Variants in SAMSN1 observed in about 807,000 individuals in gnomAD.
SAMSN1 encodes SAM domain-containing protein SAMSN-1.
SAMSN1 carries 31 observed loss-of-function variants against 42.0 expected under a neutral mutation model. The ratio of observed to expected loss-of-function variants is 0.74; its 90% CI spans 0.55 to 1.00. The LOEUF is 1.00. Among genes scored for constraint, SAMSN1 ranks in the 50% least tolerant of loss-of-function variants. The pLI is 0.00. For synonymous variants in SAMSN1, 178 were observed against 151.9 expected (o/e 1.17, Z -1.26); for missense variants, 464 against 439.4 (o/e 1.06, Z -0.50).
At chr21:14,554,812 C>T (rs990035945) in intron 2 of SAMSN1, among the ~76,000 whole-genome samples, 1 of 151,542 alleles carries the variant, frequency 6.6e-6, no homozygotes, top group Admixed American at 6.6e-5. Context: ...AATCCTCTCA[C>T]CTCAGTCTCC....
At chr21:14,591,520 C>A (rs1014802484) in intron 7 of SAMSN1, 1 of 152,102 alleles carries the variant, frequency 6.6e-6, no homozygotes, top group Non-Finnish European at 1.5e-5. Flanking sequence ...TTCCTAGAGT[C>A]AGTATGGTCA....
In SAMSN1 at chr21:14,605,673, T is replaced by G. The variant is rs374543884; in HGVS notation, c.323-3574A>C. Among the ~76,000 whole-genome samples, 3 of 152,028 alleles carry G rather than the reference T, an allele frequency of 2.0e-5. No homozygotes were observed. In the East Asian group the frequency reaches 5.8e-4, roughly 29 times the overall value. On this transcript the variant is annotated intron_variant, in intron 5 of 15. Transcript: ENST00000647101. Reference sequence around the variant, plus strand: ...GCTGGCCAAATGATATTGACTAGAATTCAGGAGAGAAATTAGGTTTCAAAC... The same window carrying G: ...GCTGGCCAAATGATATTGACTAGAAGTCAGGAGAGAAATTAGGTTTCAAAC...
intron 2 of SAMSN1, among the ~76,000 whole-genome samples, chr21:14,570,539 G>A (rs889330622): frequency 2.3e-4 from 35 of 152,170 alleles, no homozygotes; most frequent in Non-Finnish European, 8.8e-5. Flanking sequence ...TCACTTCTCT[G>A]CTGTCATCTG....
At chr21:14,498,347 C>G in intron 7 of SAMSN1, 95 bp downstream of exon 7, 1 of 1,049,856 alleles carries the variant, frequency 9.5e-7, no homozygotes, top group Non-Finnish European at 1.4e-6. Context: ...CTTTCATGAT[C>G]TCAGTAAATA....
chr21:14,589,017 A>T lies in SAMSN1; in HGVS notation c.465+4996T>A, dbSNP rs577182103. ...ATTTCATATATTTGTGTCTATAAAC[A>T]GAAATATCTTTTAGTTCATTTTGCT... On this transcript the variant is annotated intron_variant, in intron 7 of 15. Transcript: ENST00000647101. Among the ~76,000 whole-genome samples, 101 of 152,316 alleles carry T rather than the reference A, an allele frequency of 6.6e-4. 1 individual carries two copies. Among genetic ancestry groups the T allele is most frequent in the Non-Finnish European group, 9.1e-4 (62 of 68,006 alleles).
rs549932346 is a variant in SAMSN1 at position 14,630,340 on chromosome 21, T to C, written c.156+12662A>G. 2.6e-5 allele frequency among the ~76,000 whole-genome samples: 4 copies of C among 152,266 alleles called. No individual in the cohort carries two copies. The South Asian group carries it at 8.3e-4, about 32-fold the overall frequency. ...CAATGTCAGTAGTGATGACAAATGCTTTTAAGAGAAAATTAAAGTAGGAAT... is the reference window on the plus strand; with the variant it reads ...CAATGTCAGTAGTGATGACAAATGCCTTTAAGAGAAAATTAAAGTAGGAAT... On this transcript the variant is annotated intron_variant, in intron 2 of 15. Transcript: ENST00000647101.
At chr21:14,533,138 T>A (rs2123102507) in intron 1 of SAMSN1, among the ~76,000 whole-genome samples, 1 of 152,198 alleles carries the variant, frequency 6.6e-6, no homozygotes, top group East Asian at 1.9e-4. Flanking sequence ...CAGGCTGGTC[T>A]TGAACTCCTG....
At chr21:14,630,384 G>T (rs1316945278) in intron 2 of SAMSN1, among the ~76,000 whole-genome samples, 2 of 149,392 alleles carry the variant, frequency 1.3e-5, no homozygotes, top group Non-Finnish European at 3.0e-5. Flanking sequence ...TTGCTTTACA[G>T]CTTTTTTTTT....
At chr21:14,643,157 C>A in intron 1 of SAMSN1, 3 of 714,324 alleles carry the variant, frequency 4.2e-6, no homozygotes, top group South Asian at 3.0e-5. Context: ...ATTTATGAGT[C>A]AAGGAATAAC....
chr21:14,581,344 C>CTTTTTTTTTTTTTTTTTTTTTTT lies in SAMSN1; in HGVS notation c.261+769_261+791dup, dbSNP rs56728511. ...TGTAAAATGAGGGGAAATAATATTT[C>CTTTTTTTTTTTTTTTTTTTTTTT]TTTTTTTTTTTTTTTTTTTTTTTTT... On this transcript the variant is annotated intron_variant, in intron 2 of 8. Transcript: ENST00000285670. Among the ~76,000 whole-genome samples the CTTTTTTTTTTTTTTTTTTTTTTT allele has an allele frequency of 2.1e-4, 7 of 32,592 alleles. 3 individuals carry two copies. Among genetic ancestry groups the CTTTTTTTTTTTTTTTTTTTTTTT allele is most frequent in the Non-Finnish European group, 3.4e-4 (6 of 17,842 alleles). The allele number at this position is 32,592 out of a possible 152,430, so 21.4% of individuals were successfully genotyped here.
intron 4 of SAMSN1, among the ~76,000 whole-genome samples, chr21:14,611,092 ATT>A (rs11459704): frequency 6.9e-6 from 1 of 145,536 alleles, no homozygotes; most frequent in Non-Finnish European, 1.5e-5. Context: ...GGATAGGCAC[ATT>A]TTTTTTTTTT....
chr21:14,535,164 G>C (rs1979525810), intron 1 of SAMSN1, among the ~76,000 whole-genome samples: 1 of 152,150 alleles, frequency 6.6e-6, no homozygotes, highest in Non-Finnish European at 1.5e-5. Context: ...AAACACCCCA[G>C]ATGATTTTAA....
chr21:14,617,131 C>A (rs376558944), intron 2 of SAMSN1, among the ~76,000 whole-genome samples: 27 of 152,202 alleles, frequency 1.8e-4, no homozygotes, highest in East Asian at 1.5e-3. Flanking sequence ...GTGCATGACC[C>A]ATAGGACATT....
chr21:14,599,572 G>T (rs150325662), intron 6 of SAMSN1, among the ~76,000 whole-genome samples: 15 of 152,248 alleles, frequency 9.9e-5, no homozygotes, highest in African/African-American at 3.6e-4. Context: ...TGGGTTATGG[G>T]GCTGAATCCT....
At chr21:14,545,913 C>T (rs1345898506) in intron 1 of SAMSN1, among the ~76,000 whole-genome samples, 1 of 152,174 alleles carries the variant, frequency 6.6e-6, no homozygotes, top group Non-Finnish European at 1.5e-5. Flanking sequence ...ATAACAAACA[C>T]TCAGAGACCA....
chr21:14,495,875 T>C (rs1011606102), intron 7 of SAMSN1: 1 of 152,070 alleles, frequency 6.6e-6, no homozygotes, highest in Non-Finnish European at 1.5e-5. Context: ...GGAAGAATTT[T>C]GCATCAGGTG....
chr21:14,607,304 G>C (rs1398552249), intron 5 of SAMSN1, among the ~76,000 whole-genome samples: 1 of 152,114 alleles, frequency 6.6e-6, no homozygotes, highest in Non-Finnish European at 1.5e-5. Flanking sequence ...AATATTTTAG[G>C]TTGATACATA....
At chr21:14,615,086 A>G (rs904317499) in intron 3 of SAMSN1, among the ~76,000 whole-genome samples, 15 of 152,188 alleles carry the variant, frequency 9.9e-5, no homozygotes, top group Admixed American at 2.6e-4. Flanking sequence ...ATGGTCAGAA[A>G]AACAGCCTCA....
At chr21:14,595,004 C>T (rs1243865018) in intron 6 of SAMSN1, among the ~76,000 whole-genome samples, 1 of 152,124 alleles carries the variant, frequency 6.6e-6, no homozygotes, top group Non-Finnish European at 1.5e-5. Flanking sequence ...GGTTTTCTTA[C>T]ATTTCAGGAG....
Sources: allele counts gnomAD v4.1 joint callset (sites outside exome capture counted in the v4.1 genomes callset), GRCh38; gene constraint gnomAD v4.1.1; transcripts MANE v1.5; gene names NCBI Gene and HGNC (gene_info 2026-07-23, HGNC 2026-07-21).